Variants in MROH2A observed in about 807,000 individuals in gnomAD.
The protein encoded by MROH2A is maestro heat-like repeat-containing protein family member 2A.
A neutral mutation model predicts 200.4 loss-of-function variants in MROH2A; 174 were observed. The observed-to-expected ratio is 0.87, with a 90% CI of 0.77 to 0.98. MROH2A has a LOEUF of 0.98. MROH2A is among the 50% of genes least tolerant of loss of function. The pLI is 0.00. For synonymous variants in MROH2A, 829 were observed against 840.4 expected (o/e 0.99, Z 0.23); for missense variants, 2,045 against 2,139.6 (o/e 0.96, Z 0.87).
chr2:233,819,686 G>T (rs1703801446), intron 30 of MROH2A, among the ~76,000 whole-genome samples: 1 of 152,220 alleles, frequency 6.6e-6, no homozygotes, highest in Admixed American at 6.5e-5. Context: ...GGAGATCAAG[G>T]TTCTCCTCCC....
intron 27 of MROH2A, 35 bp from the exon 28 acceptor site, chr2:233,817,967 C>T (rs1559473870): frequency 1.9e-6 from 3 of 1,550,038 alleles, no homozygotes; most frequent in Non-Finnish European, 2.6e-6. Flanking sequence ...CATGAGAGCA[C>T]AGAGGTGTGA....
At position 233,813,688 on chromosome 2, in the gene MROH2A, C is replaced by T. The variant is rs1703326161; in HGVS notation, c.2670C>T (p.Tyr890=). The change falls in exon 25 of 42, where the codon TAC becomes TAT. Residue 890 remains tyrosine, a synonymous_variant. Coordinates refer to ENST00000389758, the MANE Select transcript of MROH2A (RefSeq NM_001394639.1). ...TCTCCAGCAAGCTGAAGCCTTTCTACTCCACAGAGGAAAACAGTGAGCTGA... is the reference window on the plus strand; with the variant it reads ...TCTCCAGCAAGCTGAAGCCTTTCTATTCCACAGAGGAAAACAGTGAGCTGA... ...LSHLSKLKPF[Y]STEENSELMD... 1.3e-6 allele frequency: 2 copies of T among 1,549,228 alleles called. No individual in the cohort carries two copies. Among genetic ancestry groups the T allele is most frequent in the Middle Eastern group, 1.7e-4 (1 of 5,980 alleles).
intron 5 of MROH2A, among the ~76,000 whole-genome samples, chr2:233,790,911 TG>T (rs1308702751): frequency 6.6e-6 from 1 of 152,144 alleles, no homozygotes; most frequent in Non-Finnish European, 1.5e-5. Context: ...GTTTGAGATC[TG>T]GCTAAGGGAG....
rs1395708126 is a variant in MROH2A at position 233,828,654 on chromosome 2, C to T, written c.4138C>T (p.Gln1380Ter). The change falls in exon 36 of 42, where the codon CAG becomes TAG. Residue 1380 changes from glutamine to a stop codon, truncating the protein, a stop_gained. Coordinates refer to ENST00000389758, the MANE Select transcript of MROH2A (RefSeq NM_001394639.1). LOFTEE classifies it high-confidence loss of function. The surrounding 1 kb of genome is among the most constrained non-coding windows in gnomAD (Gnocchi z 4.6). ...GTTCATGAGCGGCCCAGTTCTGTACCAGGAGAAGCTGCTGAAGCCGGCAGC... is the reference window on the plus strand; with the variant it reads ...GTTCATGAGCGGCCCAGTTCTGTACTAGGAGAAGCTGCTGAAGCCGGCAGC... ...VCFMSGPVLY[Q>*]EKLLKPAALL... The T allele has an allele frequency of 6.4e-7, 1 of 1,550,782 alleles. No homozygotes were observed. The highest frequency in any genetic ancestry group is 1.2e-5 in the South Asian group (1 of 84,066).
chr2:233,825,996 C>T (rs1704281375), intron 35 of MROH2A, among the ~76,000 whole-genome samples: 1 of 141,690 alleles, frequency 7.1e-6, no homozygotes, highest in Non-Finnish European at 1.5e-5. Context: ...GTGATCTCAG[C>T]TCACTGCAAC....
At chr2:233,781,243 T>A (rs1042799751) in intron 3 of MROH2A, among the ~76,000 whole-genome samples, 6 of 152,206 alleles carry the variant, frequency 3.9e-5, no homozygotes, top group Non-Finnish European at 4.4e-5. Context: ...TTCTTTTGGA[T>A]ACACACCCAG....
Position 233,802,187 on chromosome 2 carries a change from T to C in MROH2A, c.1580T>C (p.Leu527Pro), listed in dbSNP as rs1575953437. The C allele has an allele frequency of 1.3e-6, 2 of 1,549,804 alleles. No individual in the cohort carries two copies. The highest frequency in any genetic ancestry group is 4.9e-5 in the East Asian group (2 of 40,890). Residue 527 changes from leucine to proline, a missense_variant, in exon 15 of 42, where the codon CTG becomes CCG. Transcript: ENST00000389758. The stretch of plus-strand genomic sequence containing the variant: ...CCCCAGGAGTTTTGGGTGAGGCTGC[T>C]GTGCTACATCATGGAGACAGACTAC... ...GMTTEFWVRLLCYIMETDYVE... is the reference protein window; with the variant it reads ...GMTTEFWVRLPCYIMETDYVE...
intron 6 of MROH2A, among the ~76,000 whole-genome samples, chr2:233,793,453 C>T (rs1332563664): frequency 6.6e-6 from 1 of 152,198 alleles, no homozygotes; most frequent in Non-Finnish European, 1.5e-5. Flanking sequence ...CGTCTCTGTC[C>T]TTGAAGGAGA....
intron 11 of MROH2A, among the ~76,000 whole-genome samples, chr2:233,797,831 A>C (rs1702216410): frequency 6.6e-6 from 1 of 151,746 alleles, no homozygotes; most frequent in African/African-American, 2.4e-5. Flanking sequence ...GAGAACATGC[A>C]CTGTTTGGTT....
rs746945799 is a variant in MROH2A at position 233,820,002 on chromosome 2, A to G, written c.3458A>G (p.His1153Arg). 3.9e-6 allele frequency: 6 copies of G among 1,545,980 alleles called. No homozygotes were observed. In the African/African-American group the frequency reaches 5.5e-5, roughly 14 times the overall value. Reference sequence around the variant, plus strand: ...GACGGCATCCTGCTGCTGGCGCACCACCACCAGGAGACCATCCTCACATCG... The same window carrying G: ...GACGGCATCCTGCTGCTGGCGCACCGCCACCAGGAGACCATCCTCACATCG... ...LIDGILLLAH[H>R]HQETILTSLL... Residue 1153 changes from histidine to arginine, a missense_variant, in exon 31 of 42, where the codon CAC becomes CGC. By Grantham distance (29) the His-to-Arg change is conservative. Around this residue, in one of 3 missense-constraint regions of MROH2A, gnomAD observed 1,201 missense variants for 1,311.3 expected, o/e 0.92. Transcript: ENST00000389758. This position sits in a 1 kb window ranked among gnomAD's most constrained non-coding sequence, Gnocchi z 4.1.
rs2126110684 is a variant in MROH2A, at chr2:233,793,761, C to T, written c.759C>T (p.Ala253=). ...CCGTGATGACTGAGGAGGAGTTTGC[C>T]CTGAAGGTGTTCCCCATGTATCGCT... ...VYPVMTEEEF[A]LKVFPMYRYF... Residue 253 remains alanine, a synonymous_variant, in exon 7 of 42, where the codon GCC becomes GCT. Transcript: ENST00000389758. The T allele has an allele frequency of 2.7e-6, 4 of 1,494,870 alleles. No homozygotes were observed. Among genetic ancestry groups the T allele is most frequent in the Non-Finnish European group, 2.7e-6 (3 of 1,119,456 alleles). The allele number at this position is 1,494,870 out of a possible 1,614,324, so 92.6% of individuals were successfully genotyped here. A position where few individuals can be genotyped will look rare whatever the true frequency, so the allele number is the denominator to read the frequency against.
intron 34 of MROH2A, 25 bp from the exon 35 acceptor site, chr2:233,823,531 A>C (rs1576008708): frequency 6.5e-7 from 1 of 1,545,870 alleles, no homozygotes; most frequent in Non-Finnish European, 8.7e-7. Flanking sequence ...CGCCTCCACG[A>C]CCTGGCACTG....
intron 11 of MROH2A, 72 bp from the exon 12 acceptor site, chr2:233,798,702 C>A: frequency 9.0e-7 from 1 of 1,115,092 alleles, no homozygotes; most frequent in Non-Finnish European, 1.3e-6. Context: ...ACGTGAGGCC[C>A]TGATGTGGGA....
Position 233,796,210 on chromosome 2 carries a change from C to A in MROH2A, c.1149C>A (p.Tyr383Ter). The change falls in exon 11 of 42, where the codon TAC becomes TAA. Residue 383 changes from tyrosine (Y) to a stop codon, truncating the protein, a stop_gained. Coordinates refer to ENST00000389758, the MANE Select transcript of MROH2A (RefSeq NM_001394639.1). LOFTEE classifies it high-confidence loss of function. Reference protein sequence around the residue: ...VHCFVALARSYPKELMKFFFS... With the variant: ...VHCFVALARS ...CCTTCCACCCTGCAGCTCGCTCCTACCCCAAGGAGCTGATGAAGTTCTTCT... is the reference window on the plus strand; with the variant it reads ...CCTTCCACCCTGCAGCTCGCTCCTAACCCAAGGAGCTGATGAAGTTCTTCT... The A allele has an allele frequency of 1.3e-6, 2 of 1,549,752 alleles. No homozygotes were observed. Among genetic ancestry groups the A allele is most frequent in the Non-Finnish European group, 1.7e-6 (2 of 1,146,302 alleles).
At chr2:233,810,043 G>A (rs1401723681) in intron 22 of MROH2A, among the ~76,000 whole-genome samples, 1 of 152,122 alleles carries the variant, frequency 6.6e-6, no homozygotes, top group African/African-American at 2.4e-5. Context: ...TTATCATAAT[G>A]TTCTCAAGGT....
At chr2:233,798,466 T>C (rs752412180) in intron 11 of MROH2A, among the ~76,000 whole-genome samples, 1 of 152,188 alleles carries the variant, frequency 6.6e-6, no homozygotes, top group Non-Finnish European at 1.5e-5. Context: ...CATGCCCACT[T>C]CATGCCCAGT....
chr2:233,820,177 G>T lies in MROH2A; in HGVS notation c.3512+121G>T. The T allele has an allele frequency of 1.2e-6, 1 of 863,390 alleles. No homozygotes were observed. The allele number at this position is 863,390 out of a possible 1,614,324, so 53.5% of individuals were successfully genotyped here. A position where few individuals can be genotyped will look rare whatever the true frequency, so the allele number is the denominator to read the frequency against. Reference sequence around the variant, plus strand: ...CAGTACCCTGCCCCACCCTGAAGGAGGTCGAAGCCCTCTTCCTGTACCTCC... The same window carrying T: ...CAGTACCCTGCCCCACCCTGAAGGATGTCGAAGCCCTCTTCCTGTACCTCC... On this transcript the variant is annotated intron_variant, in intron 31 of 41. Transcript: ENST00000389758. This position sits in a 1 kb window ranked among gnomAD's most constrained non-coding sequence, Gnocchi z 4.1.
intron 3 of MROH2A, among the ~76,000 whole-genome samples, chr2:233,782,089 T>A (rs1413396802): frequency 6.6e-6 from 1 of 152,186 alleles, no homozygotes; most frequent in Admixed American, 6.5e-5. Context: ...TATGTGCATG[T>A]TTTTATGCCA....
chr2:233,803,355 A>C, intron 15 of MROH2A, 93 bp from the exon 16 acceptor site: 2 of 1,365,462 alleles, frequency 1.5e-6, no homozygotes, highest in Non-Finnish European at 2.0e-6. Flanking sequence ...TTGGGGAGGA[A>C]CCTTCTAGGG....
Sources: allele counts gnomAD v4.1 joint callset (sites outside exome capture counted in the v4.1 genomes callset), GRCh38; gene constraint gnomAD v4.1.1; regional missense constraint gnomAD v4.1.1; non-coding constraint Gnocchi (gnomAD v3.1); transcripts MANE v1.5; gene names NCBI Gene and HGNC (gene_info 2026-07-23, HGNC 2026-07-21).